KCNIP1: variants seen among roughly 807,000 people sequenced by gnomAD.
KCNIP1 encodes the protein A-type potassium channel modulatory protein KCNIP1.
A neutral mutation model predicts 33.0 loss-of-function variants in KCNIP1; 18 were observed. The observed-to-expected ratio is 0.55, with a 90% CI of 0.38 to 0.81. The LOEUF is 0.81. Ranked by LOEUF, KCNIP1 falls within the 30% of genes least tolerant of loss-of-function variation. The probability of loss-of-function intolerance (pLI) is 0.00; values close to 1 mark genes in which losing one functional copy is unlikely to be tolerated. For synonymous variants in KCNIP1, 93 were observed against 98.3 expected, an observed-to-expected ratio of 0.95 and a Z score of 0.32; for missense variants, 238 against 271.6, an observed-to-expected ratio of 0.88 and a Z score of 0.87.
At chr5:170,705,529 C>A (rs748002033) in intron 1 of KCNIP1, among the ~76,000 whole-genome samples, 24 of 152,176 alleles carry the variant, frequency 1.6e-4, no homozygotes, top group Non-Finnish European at 2.6e-4. Flanking sequence ...CACTAATGTT[C>A]CAGGCCCTAT....
chr5:170,390,517 A>AAAAAAAAATAT, intron 1 of KCNIP1, among the ~76,000 whole-genome samples: 1 of 74,544 alleles, frequency 1.3e-5, no homozygotes, highest in Non-Finnish European at 2.5e-5. Context: ...AAAAAAAACA[A>AAAAAAAAATAT]ATATATATAT....
chr5:170,668,592 C>CAGTACAGTACAGTA (rs1761798054), intron 1 of KCNIP1, among the ~76,000 whole-genome samples: 1 of 152,060 alleles, frequency 6.6e-6, no homozygotes, highest in Non-Finnish European at 1.5e-5. Flanking sequence ...GGGGAGGAGC[C>CAGTACAGTACAGTA]CAGTACAGAC....
chr5:170,612,375 C>T (rs2113619207), intron 1 of KCNIP1, among the ~76,000 whole-genome samples: 1 of 152,348 alleles, frequency 6.6e-6, no homozygotes, highest in South Asian at 2.1e-4. Flanking sequence ...AAATTAAGTG[C>T]AATTAGCGTA....
intron 1 of KCNIP1, among the ~76,000 whole-genome samples, chr5:170,479,486 A>G (rs1332273655): frequency 6.6e-6 from 1 of 152,242 alleles, no homozygotes; most frequent in Non-Finnish European, 1.5e-5. Flanking sequence ...CATATATTTA[A>G]TAGAAGAATT....
At chr5:170,694,833 T>C (rs920888432) in intron 1 of KCNIP1, among the ~76,000 whole-genome samples, 2 of 152,202 alleles carry the variant, frequency 1.3e-5, no homozygotes, top group African/African-American at 4.8e-5. Flanking sequence ...CAAAGGTCCA[T>C]GAGCTCTGTC....
At chr5:170,406,561 G>A (rs1322644319) in intron 1 of KCNIP1, among the ~76,000 whole-genome samples, 1 of 152,218 alleles carries the variant, frequency 6.6e-6, no homozygotes, top group African/African-American at 2.4e-5. Context: ...GGCACAAGAG[G>A]TGAGTGGCCT....
intron 1 of KCNIP1, among the ~76,000 whole-genome samples, chr5:170,677,971 C>A (rs1376446130): frequency 1.3e-5 from 2 of 152,150 alleles, no homozygotes; most frequent in African/African-American, 4.8e-5. Context: ...ATCTCCAATA[C>A]AAACATATTC....
intron 1 of KCNIP1, among the ~76,000 whole-genome samples, chr5:170,569,756 T>A (rs943238799): frequency 6.6e-6 from 1 of 152,022 alleles, no homozygotes; most frequent in Non-Finnish European, 1.5e-5. Flanking sequence ...ATTTTTTTTT[T>A]TTAAAGAGGT....
At chr5:170,477,511 A>T (rs1756884393) in intron 1 of KCNIP1, among the ~76,000 whole-genome samples, 1 of 152,008 alleles carries the variant, frequency 6.6e-6, no homozygotes, top group Non-Finnish European at 1.5e-5. Flanking sequence ...GTCTCCACTC[A>T]CTGCAACCTC....
intron 1 of KCNIP1, among the ~76,000 whole-genome samples, chr5:170,455,292 C>G (rs1315905367): frequency 6.6e-6 from 1 of 150,522 alleles, no homozygotes; most frequent in Non-Finnish European, 1.5e-5. Flanking sequence ...TCCTCCTCCC[C>G]TTCCCCTTCC....
At chr5:170,450,781 C>T (rs1245819846) in intron 1 of KCNIP1, among the ~76,000 whole-genome samples, 1 of 152,130 alleles carries the variant, frequency 6.6e-6, no homozygotes, top group African/African-American at 2.4e-5. Context: ...ACGCAGGATC[C>T]CTTCCATTTT....
chr5:170,370,332 T>C (rs983017590), intron 1 of KCNIP1, among the ~76,000 whole-genome samples: 3 of 152,238 alleles, frequency 2.0e-5, no homozygotes, highest in African/African-American at 4.8e-5. Flanking sequence ...CAATGCACCC[T>C]GTAAAACAAA....
chr5:170,369,856 C>T (rs529099446), intron 1 of KCNIP1, among the ~76,000 whole-genome samples: 1 of 152,304 alleles, frequency 6.6e-6, no homozygotes, highest in South Asian at 2.1e-4. Flanking sequence ...AAGGATTATT[C>T]TGGCCAGGCC....
chr5:170,367,392 AGAAAGAAAGAAAGAAAGAAAGAAAGAAAG>A lies in KCNIP1; in HGVS notation c.88+13446_88+13474del, dbSNP rs1168945883. Among the ~76,000 whole-genome samples, 699 of 129,394 alleles carry A rather than the reference AGAAAGAAAGAAAGAAAGAAAGAAAGAAAG, an allele frequency of 5.4e-3. 12 individuals are homozygous for A. The highest frequency in any genetic ancestry group is 7.6e-3 in the Admixed American group (98 of 12,832). The allele number at this position is 129,394 out of a possible 152,430, so 84.9% of individuals were successfully genotyped here. Reference sequence around the variant, plus strand: ...AAGAAAGAAAGAAAGAAAGAAAGAAAGAAAGAAAGAAAGAAAGAAAGAAAGAAAGGAAAGAAAGAAAGAAAGGAAAGAAA... The same window carrying A: ...AAGAAAGAAAGAAAGAAAGAAAGAAAGAAAGAAAGAAAGAAAGGAAAGAAA... On this transcript the variant is annotated intron_variant, in intron 1 of 7. Coordinates refer to the KCNIP1 transcript ENST00000377360.
rs143488367 is a variant in KCNIP1, at chr5:170,733,871, A to G, written c.576A>G (p.Leu192=). The G allele has an allele frequency of 4.8e-5, 77 of 1,613,900 alleles. No individual in the cohort carries two copies. The African/African-American group carries it at 6.8e-4, about 14-fold the overall frequency. Residue 192 remains leucine, a synonymous_variant, in exon 7 of 8, where the codon TTA becomes TTG. Transcript: ENST00000328939. ...MDKNKDGIVT[L]DEFLESCQED... The stretch of plus-strand genomic sequence containing the variant: ...AAAATAAAGATGGCATCGTAACTTT[A>G]GATGAATTTCTTGAATCATGTCAGG...
At chr5:170,508,963 C>T (rs567147966) in intron 1 of KCNIP1, among the ~76,000 whole-genome samples, 1 of 152,266 alleles carries the variant, frequency 6.6e-6, no homozygotes, top group East Asian at 1.9e-4. Flanking sequence ...GCTCGTCTAA[C>T]TCATCCTTCA....
chr5:170,605,810 T>C (rs1366791595), intron 1 of KCNIP1, among the ~76,000 whole-genome samples: 2 of 147,378 alleles, frequency 1.4e-5, no homozygotes, highest in East Asian at 2.0e-4. Context: ...AGTATCCCTC[T>C]GTTGCTCAGG....
chr5:170,568,048 G>A (rs1280208285), intron 1 of KCNIP1, among the ~76,000 whole-genome samples: 1 of 152,184 alleles, frequency 6.6e-6, no homozygotes, highest in African/African-American at 2.4e-5. Context: ...CCTTTGATAG[G>A]TCACTGCCTC....
At chr5:170,492,122 C>T (rs1209327735) in intron 1 of KCNIP1, among the ~76,000 whole-genome samples, 1 of 152,220 alleles carries the variant, frequency 6.6e-6, no homozygotes, top group South Asian at 2.1e-4. Context: ...AAGGCCTCGT[C>T]CCACAAAACT....
Sources: allele counts gnomAD v4.1 joint callset (sites outside exome capture counted in the v4.1 genomes callset), GRCh38; gene constraint gnomAD v4.1.1; transcripts MANE v1.5; gene names NCBI Gene and HGNC (gene_info 2026-07-23, HGNC 2026-07-21).